SP140: variants seen among roughly 807,000 people sequenced by gnomAD.
SP140 encodes nuclear body protein SP140.
A neutral mutation model predicts 125.0 loss-of-function variants in SP140; 81 were observed. The observed-to-expected ratio is 0.65, with a 90% CI of 0.54 to 0.78. The LOEUF (loss-of-function observed/expected upper bound fraction) is 0.78, where lower values mean the gene tolerates loss of function less well. Among genes scored for constraint, SP140 ranks in the 30% least tolerant of loss-of-function variants. The pLI is 0.00. For missense variants in SP140, 858 were observed against 1,037.0 expected (o/e 0.83, Z 2.37); for synonymous variants, 312 against 354.0 (o/e 0.88, Z 1.33).
upstream of SP140, among the ~76,000 whole-genome samples, chr2:230,198,240 AG>A (rs1412404743): frequency 2.0e-5 from 3 of 152,140 alleles, no homozygotes; most frequent in Non-Finnish European, 2.9e-5. Flanking sequence ...AAGAATGTGG[AG>A]AGCTGCAATG....
At chr2:230,299,959 C>G (rs1250652953) in intron 22 of SP140, among the ~76,000 whole-genome samples, 1 of 152,164 alleles carries the variant, frequency 6.6e-6, no homozygotes, top group African/African-American at 2.4e-5. Context: ...ACAGCAAGCC[C>G]TGTCTGAGAA....
At chr2:230,292,531 C>T (rs964349562) in intron 19 of SP140, 115 bp from the exon 20 acceptor site, 10 of 1,372,168 alleles carry the variant, frequency 7.3e-6, no homozygotes, top group African/African-American at 7.2e-5. Context: ...GCCAGACTCT[C>T]CTGCTATTGA....
chr2:230,194,240 G>C, the SP140 span, among the ~76,000 whole-genome samples: 1 of 152,086 alleles, frequency 6.6e-6, no homozygotes, highest in Non-Finnish European at 1.5e-5. Context: ...TAAAGGTACA[G>C]AATCCAAGAG....
upstream of SP140, among the ~76,000 whole-genome samples, chr2:230,221,979 G>C (rs1427504761): frequency 7.9e-5 from 12 of 152,236 alleles, no homozygotes; most frequent in Non-Finnish European, 1.0e-4. Flanking sequence ...AGCTTAGCTA[G>C]CACTTTGGGA....
At chr2:230,249,970 G>A (rs1041272517) in intron 9 of SP140, among the ~76,000 whole-genome samples, 6 of 152,176 alleles carry the variant, frequency 3.9e-5, no homozygotes, top group Admixed American at 3.3e-4. Context: ...ACATGTCTGC[G>A]ATGCAGACCT....
intron 18 of SP140, 109 bp from the exon 19 acceptor site, chr2:230,290,351 G>T: frequency 2.0e-6 from 2 of 981,080 alleles, no homozygotes; most frequent in South Asian, 1.5e-5. Flanking sequence ...AGAGGGTTTT[G>T]GAATAGAATT....
In SP140 at chr2:230,211,212, G is replaced by A. The variant is rs1305159653; in HGVS notation, c.-322-2442G>A. Among the ~76,000 whole-genome samples the A allele has an allele frequency of 6.6e-6, 1 of 152,152 alleles. No individual in the cohort carries two copies. The highest frequency in any genetic ancestry group is 1.5e-5 in the Non-Finnish European group (1 of 68,024). On this transcript the variant is annotated intron_variant, in intron 1 of 4. Transcript: ENST00000456542. The surrounding 1 kb of genome is among the most constrained non-coding windows in gnomAD (Gnocchi z 4.2). ...AACCTACAGGCACTGGTGGGGCTCTGTCCATCATCATCCGTGGCCCTATCC... is the reference window on the plus strand; with the variant it reads ...AACCTACAGGCACTGGTGGGGCTCTATCCATCATCATCCGTGGCCCTATCC...
intron 22 of SP140, among the ~76,000 whole-genome samples, chr2:230,298,660 A>G (rs577298654): frequency 6.6e-6 from 1 of 152,342 alleles, no homozygotes; most frequent in South Asian, 2.1e-4. Flanking sequence ...ATTGACTTAT[A>G]ATATCCCCAT....
the SP140 span, among the ~76,000 whole-genome samples, chr2:230,186,796 C>T: frequency 3.9e-5 from 6 of 152,294 alleles, no homozygotes; most frequent in South Asian, 1.0e-3. Flanking sequence ...GAATAATGGC[C>T]TCCAGCTCCA....
At chr2:230,248,303 A>G (rs2149198893) in intron 8 of SP140, among the ~76,000 whole-genome samples, 1 of 152,342 alleles carries the variant, frequency 6.6e-6, no homozygotes, top group East Asian at 1.9e-4. Context: ...AAGGCAAAGT[A>G]GAAAAGGAAG....
chr2:230,257,477 A>G (rs2051424736), intron 12 of SP140, among the ~76,000 whole-genome samples: 1 of 152,190 alleles, frequency 6.6e-6, no homozygotes, highest in African/African-American at 2.4e-5. Context: ...AGAAGGGGCT[A>G]TCACTTAGGC....
rs370512437 is a variant in SP140, at chr2:230,312,569, C to G, written c.2506-17C>G. On this transcript the variant is annotated splice_polypyrimidine_tract_variant and intron_variant, in intron 26 of 26. Transcript: ENST00000392045. Reference sequence around the variant, plus strand: ...TAATGATGAGGAGCATTGTTTTTGTCTTTATTATTTTTTCAGTACAAGGAT... The same window carrying G: ...TAATGATGAGGAGCATTGTTTTTGTGTTTATTATTTTTTCAGTACAAGGAT... 1 of 1,541,450 alleles carries G rather than the reference C, an allele frequency of 6.5e-7. No individual in the cohort carries two copies. Among genetic ancestry groups the G allele is most frequent in the Non-Finnish European group, 8.9e-7 (1 of 1,118,182 alleles).
intron 1 of SP140, among the ~76,000 whole-genome samples, chr2:230,229,658 G>A (rs948271415): frequency 2.6e-5 from 4 of 151,016 alleles, no homozygotes; most frequent in Non-Finnish European, 4.4e-5. Flanking sequence ...TAGTAGAGAC[G>A]GGATTTCACC....
chr2:230,299,230 C>A (rs907337556), intron 22 of SP140, among the ~76,000 whole-genome samples: 6 of 152,128 alleles, frequency 3.9e-5, no homozygotes, highest in African/African-American at 1.4e-4. Context: ...CTTGCCACCG[C>A]AAACTCTGGG....
chr2:230,314,470 G>C (rs1236818627), downstream of SP140, among the ~76,000 whole-genome samples: 4 of 152,216 alleles, frequency 2.6e-5, no homozygotes, highest in African/African-American at 7.2e-5. Context: ...AGATACGTGA[G>C]AATTATTGAC....
chr2:230,310,986 C>T lies in SP140; in HGVS notation c.2283+135C>T, dbSNP rs1469653211. 18 of 788,156 alleles carry T rather than the reference C, an allele frequency of 2.3e-5. No homozygotes were observed. The East Asian group carries it at 3.0e-4, about 13-fold the overall frequency. The allele number at this position is 788,156 out of a possible 1,614,324, so 48.8% of individuals were successfully genotyped here. ...CACTTCAATGGCACTGATAGAACAC[C>T]ACACCTTGTTTGCACAAAAAATAAC... On this transcript the variant is annotated intron_variant, in intron 24 of 26. Transcript: ENST00000392045.
At chr2:230,243,585 G>T (rs1470281564) in intron 4 of SP140, 146 bp from the exon 5 acceptor site, 2 of 618,672 alleles carry the variant, frequency 3.2e-6, no homozygotes, top group Middle Eastern at 4.7e-4. Context: ...GTTACTGAAG[G>T]ACTGAATCCT....
intron 19 of SP140, 105 bp downstream of exon 19, chr2:230,290,669 G>T: frequency 9.7e-7 from 1 of 1,036,232 alleles, no homozygotes; most frequent in South Asian, 1.5e-5. Context: ...TTTGGTCCCA[G>T]TTTGGCTTGA....
chr2:230,234,562 A>G (rs547980649), intron 1 of SP140, among the ~76,000 whole-genome samples: 8 of 152,334 alleles, frequency 5.3e-5, no homozygotes, highest in South Asian at 4.1e-4. Context: ...CTGAATGGGT[A>G]TACACTTTTT....
Sources: gnomAD v4.1 joint callset for allele counts (sites outside exome capture counted in the v4.1 genomes callset) on GRCh38, gnomAD v4.1.1 for gene constraint, Gnocchi (gnomAD v3.1) non-coding constraint, MANE v1.5 for transcripts, NCBI Gene and HGNC (gene_info 2026-07-23, HGNC 2026-07-21) for gene names.